The following OR2L13 variants were observed in gnomAD, a reference collection of about 807,000 sequenced individuals.
OR2L13 encodes olfactory receptor family 2 subfamily L member 13.
Under a neutral mutation model 15.3 loss-of-function variants are expected in OR2L13, and 14 were observed. The observed-to-expected ratio is 0.91, with a 90% confidence interval of 0.60 to 1.43. The LOEUF (loss-of-function observed/expected upper bound fraction) is 1.43. OR2L13 is among the 40% of genes most tolerant of loss of function. OR2L13 has a pLI of 0.00. For missense variants in OR2L13, 367 were observed against 387.9 expected (o/e 0.95, Z 0.45); for synonymous variants, 152 against 142.9 (o/e 1.06, Z -0.45).
chr1:248,021,972 A>T, the OR2L13 span: 1 of 1,613,544 alleles, frequency 6.2e-7, no homozygotes, highest in Admixed American at 1.7e-5. Flanking sequence ...TCAAACGTCA[A>T]CTGATTTCAT....
At chr1:248,091,780 T>G (rs1664603316), upstream of OR2L13, among the ~76,000 whole-genome samples, 1 of 152,184 alleles carries the variant, frequency 6.6e-6, no homozygotes, top group Non-Finnish European at 1.5e-5. Flanking sequence ...ATTTATTTAT[T>G]TTTATTCCAT....
the OR2L13 span, among the ~76,000 whole-genome samples, chr1:248,064,685 TG>T: frequency 1.1e-3 from 160 of 152,294 alleles, no homozygotes; most frequent in African/African-American, 3.7e-3. Flanking sequence ...ACCACGGCTT[TG>T]GGGAAATCAT....
At chr1:247,990,644 G>C in the OR2L13 span, 1 of 1,532,146 alleles carries the variant, frequency 6.5e-7, no homozygotes, top group South Asian at 1.1e-5. Flanking sequence ...GTGGCTATTT[G>C]CTTTCCTCTC....
chr1:248,060,593 C>T, the OR2L13 span: 4 of 1,002,758 alleles, frequency 4.0e-6, no homozygotes, highest in Non-Finnish European at 6.1e-6. Context: ...TACTGAGGGG[C>T]TTCAAATGCA....
chr1:247,990,628 C>T, the OR2L13 span: 19 of 1,538,816 alleles, frequency 1.2e-5, no homozygotes, highest in East Asian at 2.9e-4. Context: ...GGCCTATGAT[C>T]GTTATGTGGC....
At chr1:247,997,049 GT>G in the OR2L13 span, 1 of 152,172 alleles carries the variant, frequency 6.6e-6, no homozygotes, top group East Asian at 1.9e-4. Context: ...CCAGTTACAG[GT>G]TTCTTGGTTC....
At chr1:247,995,225 T>C in the OR2L13 span, among the ~76,000 whole-genome samples, 3 of 152,210 alleles carry the variant, frequency 2.0e-5, no homozygotes, top group Admixed American at 6.5e-5. Context: ...CAAGGAAGCA[T>C]TCTGAATGTA....
the OR2L13 span, chr1:248,038,114 A>G: frequency 1.8e-6 from 1 of 562,420 alleles, no homozygotes; most frequent in South Asian, 2.7e-5. Context: ...ATATGCATTT[A>G]TGGATATAAA....
the OR2L13 span, among the ~76,000 whole-genome samples, chr1:248,025,796 G>A: frequency 6.6e-6 from 1 of 152,026 alleles, no homozygotes; most frequent in African/African-American, 2.4e-5. Flanking sequence ...CATGTCCTTT[G>A]TAGGGACATG....
At chr1:248,019,023 A>G in the OR2L13 span, among the ~76,000 whole-genome samples, 957 of 152,120 alleles carry the variant, frequency 6.3e-3, 10 homozygotes, top group Middle Eastern at 0.061. Context: ...TACTCACTAC[A>G]TTTTTTATTG....
chr1:248,031,943 C>T, the OR2L13 span, among the ~76,000 whole-genome samples: 4 of 151,930 alleles, frequency 2.6e-5, no homozygotes, highest in Non-Finnish European at 5.9e-5. Context: ...AGGATAATAA[C>T]TCTCATGGAA....
At chr1:248,096,249 G>A, upstream of OR2L13, among the ~76,000 whole-genome samples, 1 of 151,972 alleles carries the variant, frequency 6.6e-6, no homozygotes, top group Middle Eastern at 3.2e-3. Flanking sequence ...CGGGCGTGGT[G>A]GTGGGCGCCT....
chr1:248,021,747 TTTC>T, the OR2L13 span, among the ~76,000 whole-genome samples: 1 of 152,212 alleles, frequency 6.6e-6, no homozygotes, highest in African/African-American at 2.4e-5. Flanking sequence ...TTTTTGTTAA[TTTC>T]TTCCTTGTCT....
At chr1:248,077,451 G>C in the OR2L13 span, among the ~76,000 whole-genome samples, 1 of 152,132 alleles carries the variant, frequency 6.6e-6, no homozygotes, top group Non-Finnish European at 1.5e-5. Context: ...GGTAGAATTC[G>C]GCTGTGAATC....
chr1:248,019,334 T>C, the OR2L13 span, among the ~76,000 whole-genome samples: 1 of 152,180 alleles, frequency 6.6e-6, no homozygotes, highest in Non-Finnish European at 1.5e-5. Flanking sequence ...TATTTTAACA[T>C]TGAGATGACT....
the OR2L13 span, chr1:247,965,663 G>T: frequency 6.5e-7 from 1 of 1,545,956 alleles, no homozygotes; most frequent in Non-Finnish European, 8.7e-7. Context: ...AGATTTTTGG[G>T]CTGTGAGATT....
the OR2L13 span, chr1:247,949,610 T>C: frequency 1.2e-5 from 19 of 1,613,932 alleles, no homozygotes; most frequent in Non-Finnish European, 1.6e-5. Context: ...CTTTCTACTA[T>C]GCACCTTTTG....
chr1:247,956,822 T>A, the OR2L13 span, among the ~76,000 whole-genome samples: 1 of 152,232 alleles, frequency 6.6e-6, no homozygotes, highest in African/African-American at 2.4e-5. Flanking sequence ...TGAAGTTGCC[T>A]ATCAGCTTAA....
At chr1:247,975,629 T>G in the OR2L13 span, 1 of 1,245,658 alleles carries the variant, frequency 8.0e-7, no homozygotes, top group Non-Finnish European at 1.2e-6. Context: ...CTGACACGAG[T>G]GAGTCAGAGA....
Sources: gnomAD v4.1 joint callset for allele counts (sites outside exome capture counted in the v4.1 genomes callset) on GRCh38, gnomAD v4.1.1 for gene constraint, MANE v1.5 for transcripts, NCBI Gene and HGNC (gene_info 2026-07-23, HGNC 2026-07-21) for gene names.